NSD2: variants seen among roughly 807,000 people sequenced by gnomAD.
NSD2 encodes the protein nuclear receptor binding SET domain protein 2.
In NSD2, 12 loss-of-function variants were observed where a neutral mutation model predicts 139.0. The ratio of observed to expected loss-of-function variants is 0.09; its 90% CI spans 0.06 to 0.14. The LOEUF (loss-of-function observed/expected upper bound fraction) is 0.14, where lower values mean the gene tolerates loss of function less well. Ranked by LOEUF, NSD2 falls within the 10% of genes least tolerant of loss-of-function variation. NSD2 has a pLI of 1.00. For missense variants in NSD2, 1,155 were observed against 1,745.0 expected (o/e 0.66, Z 6.02); for synonymous variants, 669 against 648.7 (o/e 1.03, Z -0.48).
intron 12 of NSD2, among the ~76,000 whole-genome samples, chr4:1,954,252 T>G (rs1251108555): frequency 2.6e-5 from 4 of 152,160 alleles, no homozygotes; most frequent in Non-Finnish European, 5.9e-5. Flanking sequence ...CCCAAAGTGC[T>G]GGGATTACAG....
intron 2 of NSD2, among the ~76,000 whole-genome samples, chr4:1,903,407 C>T (rs1021033877): frequency 2.6e-5 from 4 of 152,142 alleles, no homozygotes. Context: ...GCTCAGAGAG[C>T]CCCAAGGACT....
intron 1 of NSD2, among the ~76,000 whole-genome samples, chr4:1,872,631 A>AGAGAGAGAGAGAGAGAGAGG (rs984225040): frequency 1.1e-4 from 15 of 133,392 alleles, no homozygotes; most frequent in East Asian, 2.2e-4. Context: ...AGAGAGAGAG[A>AGAGAGAGAGAGAGAGAGAGG]GAGAGCGCGC....
Position 1,974,090 on chromosome 4 carries a change from A to T in NSD2, c.3373-773A>T, listed in dbSNP as rs766542595. On this transcript the variant is annotated intron_variant, in intron 18 of 21. Coordinates refer to ENST00000508803, the MANE Select transcript of NSD2 (RefSeq NM_001042424.3). The surrounding 1 kb of genome is among the most constrained non-coding windows in gnomAD (Gnocchi z 4.0). Reference sequence around the variant, plus strand: ...CACCCCTCATCTCAGCCAACGCCACATCAGCGCCATGGGTGCAAAGTCAGA... The same window carrying T: ...CACCCCTCATCTCAGCCAACGCCACTTCAGCGCCATGGGTGCAAAGTCAGA... 4.6e-5 allele frequency among the ~76,000 whole-genome samples: 7 copies of T among 152,156 alleles called. No individual in the cohort carries two copies. The highest frequency in any genetic ancestry group is 1.3e-4 in the Admixed American group (2 of 15,272).
At chr4:1,912,554 A>G (rs1321330793) in intron 3 of NSD2, among the ~76,000 whole-genome samples, 1 of 151,396 alleles carries the variant, frequency 6.6e-6, no homozygotes, top group East Asian at 1.9e-4. Context: ...TCATCTCCTC[A>G]TCCTTAAAAC....
intron 3 of NSD2, among the ~76,000 whole-genome samples, chr4:1,911,390 C>G (rs1179109676): frequency 6.6e-6 from 1 of 151,858 alleles, no homozygotes; most frequent in East Asian, 1.9e-4. Context: ...GAGTTCGAGA[C>G]CAGCCTGGCC....
At chr4:1,965,411 G>T (rs1725785453) in intron 18 of NSD2, among the ~76,000 whole-genome samples, 1 of 152,232 alleles carries the variant, frequency 6.6e-6, no homozygotes, top group Non-Finnish European at 1.5e-5. Context: ...TATATCTATT[G>T]TGGGAGTCCC....
At position 1,942,109 on chromosome 4, in the gene NSD2, T is replaced by C. The variant is rs1376088434; in HGVS notation, c.1881+2331T>C. ...TGGTATTTCAGAACACTTTAGGTCA[T>C]GTTGTAGTTTAAATTCTTCTTGAAA... On this transcript the variant is annotated intron_variant, in intron 9 of 21. Transcript: ENST00000508803. The surrounding 1 kb of genome is among the most constrained non-coding windows in gnomAD (Gnocchi z 4.0). 1.6e-6 allele frequency: 2 copies of C among 1,251,298 alleles called. No homozygotes were observed. Among genetic ancestry groups the C allele is most frequent in the Non-Finnish European group, 2.0e-6 (2 of 992,210 alleles). The allele number at this position is 1,251,298 out of a possible 1,614,324, so 77.5% of individuals were successfully genotyped here.
rs541889792 is a variant in NSD2 at position 1,939,929 on chromosome 4, A to T, written c.1881+151A>T. ...TTTTAGGGCCTCTTGGCTAACTCAG[A>T]TTCATGAAATGGACAAACAGTGCAC... is the stretch of plus-strand genomic sequence containing the variant. On this transcript the variant is annotated intron_variant, in intron 9 of 21. Transcript: ENST00000508803. The T allele has an allele frequency of 8.7e-6, 13 of 1,500,530 alleles. 1 individual carries two copies. In the South Asian group the frequency reaches 1.7e-4, roughly 20 times the overall value. 93.0% of individuals were successfully genotyped at this position (1,500,530 alleles called of 1,614,324 possible).
intron 21 of NSD2, among the ~76,000 whole-genome samples, chr4:1,977,093 C>CA (rs966011186): frequency 7.9e-5 from 12 of 152,364 alleles, no homozygotes; most frequent in Admixed American, 7.8e-4. Context: ...GGCTGCACTA[C>CA]AGTGGGAATG....
chr4:1,875,539 T>A (rs1714186527), intron 1 of NSD2, among the ~76,000 whole-genome samples: 1 of 152,138 alleles, frequency 6.6e-6, no homozygotes, highest in Non-Finnish European at 1.5e-5. Context: ...TTCGGCCTTG[T>A]GCCTGGCCTG....
chr4:1,975,970 G>A (rs1343668721), intron 20 of NSD2, among the ~76,000 whole-genome samples: 1 of 152,170 alleles, frequency 6.6e-6, no homozygotes, highest in African/African-American at 2.4e-5. Context: ...CCCCTTCCCT[G>A]TGCTGTGTAG....
intron 5 of NSD2, among the ~76,000 whole-genome samples, chr4:1,925,773 T>TATATATA (rs772413927): frequency 1.4e-5 from 2 of 140,576 alleles, no homozygotes; most frequent in African/African-American, 5.6e-5. Context: ...TATATATATA[T>TATATATA]TTTTTTTTGT....
At position 1,976,404 on chromosome 4, in the gene NSD2, C is replaced by A; in HGVS notation, c.3622-71C>A. On this transcript the variant is annotated intron_variant, in intron 20 of 21. Coordinates refer to ENST00000508803, the MANE Select transcript of NSD2 (RefSeq NM_001042424.3). This position sits in a 1 kb window ranked among gnomAD's most constrained non-coding sequence, Gnocchi z 5.3. Reference sequence around the variant, plus strand: ...TCTCTGAAGTTCCTGGAGTGTAGCTCGCTCTTCTGCCCTATTTGCTTCAGC... The same window carrying A: ...TCTCTGAAGTTCCTGGAGTGTAGCTAGCTCTTCTGCCCTATTTGCTTCAGC... 1 of 1,520,068 alleles carries A rather than the reference C, an allele frequency of 6.6e-7. No homozygotes were observed. Among genetic ancestry groups the A allele is most frequent in the Non-Finnish European group, 9.0e-7 (1 of 1,117,038 alleles). The allele number at this position is 1,520,068 out of a possible 1,614,324, so 94.2% of individuals were successfully genotyped here.
chr4:1,950,332 A>G (rs1724077060), intron 9 of NSD2, among the ~76,000 whole-genome samples: 1 of 152,230 alleles, frequency 6.6e-6, no homozygotes, highest in Non-Finnish European at 1.5e-5. Flanking sequence ...CCACTCGCTC[A>G]GGGATTCCAT....
chr4:1,947,889 A>G, intron 9 of NSD2: 2 of 1,055,724 alleles, frequency 1.9e-6, no homozygotes, highest in Non-Finnish European at 2.3e-6. Flanking sequence ...CACTCTGAAG[A>G]GTAGGTGAGC....
In NSD2 at chr4:1,935,170, C is replaced by A. The variant is rs139753036; in HGVS notation, c.1582C>A (p.His528Asn). The change falls in exon 7 of 22, where the codon CAC (histidine) becomes AAC (asparagine). Residue 528 changes from histidine (H) to asparagine (N), a missense_variant. This residue lies in a region of NSD2 where 420 missense variants were observed against 469.0 expected (regional missense o/e 0.90). Coordinates refer to ENST00000508803, the MANE Select transcript of NSD2 (RefSeq NM_001042424.3). ...TAATGTAAATGGGAAAAAAAGAAAC[C>A]ACACAAAGAGGATACAGGACCCTAC... ...SGNVNGKKRN[H>N]TKRIQDPTED... 2.4e-3 allele frequency: 3,870 copies of A among 1,610,822 alleles called. 33 individuals are homozygous for A. Among genetic ancestry groups the A allele is most frequent in the Non-Finnish European group, 1.9e-3 (2,263 of 1,178,374 alleles).
chr4:1,878,267 T>A (rs1178601090), intron 1 of NSD2, among the ~76,000 whole-genome samples: 113 of 118,058 alleles, frequency 9.6e-4, no homozygotes, highest in African/African-American at 2.3e-3. Flanking sequence ...TTTTTTTTTT[T>A]TTTTTTTTTT....
In NSD2 at chr4:1,949,702, T is replaced by G. The variant is rs1724011856; in HGVS notation, c.1882-1370T>G. ...TCACTTGAACCCAGGAGGCGGAGTTTGCAGTGAGCTGAGATTGTACCACTG... is the reference window on the plus strand; with the variant it reads ...TCACTTGAACCCAGGAGGCGGAGTTGGCAGTGAGCTGAGATTGTACCACTG... On this transcript the variant is annotated intron_variant, in intron 9 of 21. Coordinates refer to ENST00000508803, the MANE Select transcript of NSD2 (RefSeq NM_001042424.3). Among the ~76,000 whole-genome samples, 4 of 150,778 alleles carry G rather than the reference T, an allele frequency of 2.7e-5. No homozygotes were observed. The South Asian group carries it at 8.4e-4, about 32-fold the overall frequency.
In NSD2 at chr4:1,972,249, G is replaced by T. The variant is rs1242951758; in HGVS notation, c.3373-2614G>T. Among the ~76,000 whole-genome samples the T allele has an allele frequency of 6.6e-6, 1 of 152,334 alleles. No individual in the cohort carries two copies. Among genetic ancestry groups the T allele is most frequent in the East Asian group, 1.9e-4 (1 of 5,182 alleles). ...AGGCTTCTGTGGAAAGTTCGGCAGT[G>T]TCACTGACGGACACAAGAGATGATA... On this transcript the variant is annotated intron_variant, in intron 18 of 21. Transcript: ENST00000508803. This position sits in a 1 kb window ranked among gnomAD's most constrained non-coding sequence, Gnocchi z 4.0.
Sources: gnomAD v4.1 joint callset for allele counts (sites outside exome capture counted in the v4.1 genomes callset) on GRCh38, gnomAD v4.1.1 for gene constraint, gnomAD v4.1.1 regional missense constraint, Gnocchi (gnomAD v3.1) non-coding constraint, MANE v1.5 for transcripts, NCBI Gene and HGNC (gene_info 2026-07-23, HGNC 2026-07-21) for gene names.